NFATC3: variants seen among roughly 807,000 people sequenced by gnomAD.
NFATC3 encodes the protein nuclear factor of activated T cells 3, also known as nuclear factor of activated T-cells, cytoplasmic 3.
A neutral mutation model predicts 98.6 loss-of-function variants in NFATC3; 46 were observed. The ratio of observed to expected loss-of-function variants is 0.47; its 90% CI spans 0.37 to 0.60. The LOEUF is 0.60. Ranked by LOEUF, NFATC3 falls within the 20% of genes least tolerant of loss-of-function variation. The pLI is 0.00. For synonymous variants in NFATC3, 512 were observed against 472.2 expected (o/e 1.08, Z -1.09); for missense variants, 1,256 against 1,295.5 (o/e 0.97, Z 0.47).
intron 4 of NFATC3, among the ~76,000 whole-genome samples, chr16:68,163,100 A>G (rs1303129688): frequency 6.6e-6 from 1 of 152,238 alleles, no homozygotes; most frequent in African/African-American, 2.4e-5. Context: ...AATTTTTCTT[A>G]GTACAGAACA....
chr16:68,108,588 A>G (rs906213535), intron 1 of NFATC3, among the ~76,000 whole-genome samples: 1 of 152,142 alleles, frequency 6.6e-6, no homozygotes, highest in Non-Finnish European at 1.5e-5. Flanking sequence ...ATGAATTTTA[A>G]AATAGTTTTT....
At chr16:68,099,848 G>C (rs2035246946) in intron 1 of NFATC3, among the ~76,000 whole-genome samples, 1 of 152,034 alleles carries the variant, frequency 6.6e-6, no homozygotes, top group Non-Finnish European at 1.5e-5. Flanking sequence ...TCACTAGGTT[G>C]CCAAGGCTGG....
intron 3 of NFATC3, among the ~76,000 whole-genome samples, chr16:68,136,689 G>T (rs968642640): frequency 1.3e-5 from 2 of 152,134 alleles, no homozygotes; most frequent in South Asian, 2.1e-4. Flanking sequence ...TTTCCTTGTT[G>T]TATGAACACC....
At chr16:68,207,893 A>G (rs1321676048) in intron 9 of NFATC3, among the ~76,000 whole-genome samples, 2 of 151,700 alleles carry the variant, frequency 1.3e-5, no homozygotes, top group Non-Finnish European at 2.9e-5. Context: ...CCATTTTTAA[A>G]ATAATAGCCA....
At chr16:68,150,207 C>T (rs1010393347) in intron 3 of NFATC3, among the ~76,000 whole-genome samples, 5 of 151,994 alleles carry the variant, frequency 3.3e-5, no homozygotes, top group African/African-American at 1.2e-4. Context: ...CTCTATCAGA[C>T]CCAGCCCCAC....
chr16:68,099,427 C>T (rs1311768922), intron 1 of NFATC3, among the ~76,000 whole-genome samples: 1 of 150,648 alleles, frequency 6.6e-6, no homozygotes, highest in Non-Finnish European at 1.5e-5. Flanking sequence ...AGAGCGAGAC[C>T]CCACCTCAAA....
chr16:68,085,806 A>G, intron 1 of NFATC3, 22 bp downstream of exon 1: 1 of 1,415,112 alleles, frequency 7.1e-7, no homozygotes, highest in East Asian at 2.9e-5. Context: ...GCCAGGCGGG[A>G]CCGTGGAGCG....
At chr16:68,211,519 G>T (rs1216149791) in intron 9 of NFATC3, among the ~76,000 whole-genome samples, 1 of 148,292 alleles carries the variant, frequency 6.7e-6, no homozygotes, top group African/African-American at 2.5e-5. Flanking sequence ...TTTTGTTGTT[G>T]TTGTTGTTGT....
Position 68,183,381 on chromosome 16 carries a change from G to C in NFATC3, c.2098+15G>C, listed in dbSNP as rs778636390. 10 of 1,609,740 alleles carry C rather than the reference G, an allele frequency of 6.2e-6. No individual in the cohort carries two copies. The highest frequency in any genetic ancestry group is 8.5e-6 in the Non-Finnish European group (10 of 1,179,776). On this transcript the variant is annotated intron_variant, in intron 8 of 9. Transcript: ENST00000346183. ...TTATACACCAGGTACGAGGAGTCAT[G>C]ATGGTTTACTATAGAGCTTTCTTTC...
intron 1 of NFATC3, among the ~76,000 whole-genome samples, chr16:68,110,018 G>C (rs2035859195): frequency 6.6e-6 from 1 of 151,840 alleles, no homozygotes; most frequent in Admixed American, 6.6e-5. Context: ...TTGTTTGTTT[G>C]TTTTGAGATG....
At chr16:68,210,278 A>G (rs1440576302) in intron 9 of NFATC3, among the ~76,000 whole-genome samples, 1 of 150,384 alleles carries the variant, frequency 6.6e-6, no homozygotes, top group Non-Finnish European at 1.5e-5. Context: ...AGCCTGGGCG[A>G]CAGAGTGAGA....
At chr16:68,092,108 A>C (rs2034743845) in intron 1 of NFATC3, among the ~76,000 whole-genome samples, 1 of 152,214 alleles carries the variant, frequency 6.6e-6, no homozygotes, top group African/African-American at 2.4e-5. Context: ...TTGCTAGTTT[A>C]CCAACAGCTG....
At chr16:68,086,091 G>A (rs1431577020) in intron 1 of NFATC3, among the ~76,000 whole-genome samples, 1 of 152,228 alleles carries the variant, frequency 6.6e-6, no homozygotes, top group Non-Finnish European at 1.5e-5. Flanking sequence ...TCGTTGCTTT[G>A]CCAGTGTGTT....
chr16:68,174,431 CTGTAAA>C lies in NFATC3; in HGVS notation c.1835_1840del (p.Val612_Asn613del). On this transcript the variant is annotated inframe_deletion, in exon 6 of 10. Coordinates refer to ENST00000346183, the MANE Select transcript of NFATC3 (RefSeq NM_173165.3). ...GAGAAGTACAGTATCAACAGTTGTT[CTGTAAA>C]TGGAGGTCATGAAATGGTTGTGACT... 2 of 1,605,880 alleles carry C rather than the reference CTGTAAA, an allele frequency of 1.2e-6. No homozygotes were observed. The highest frequency in any genetic ancestry group is 1.7e-6 in the Non-Finnish European group (2 of 1,176,056).
chr16:68,152,912 A>G (rs906243567), intron 3 of NFATC3, among the ~76,000 whole-genome samples: 1 of 152,202 alleles, frequency 6.6e-6, no homozygotes, highest in African/African-American at 2.4e-5. Context: ...ACTTCACACT[A>G]CCGCTCAGGG....
intron 3 of NFATC3, among the ~76,000 whole-genome samples, 186 bp downstream of exon 3, chr16:68,126,796 G>C (rs993890159): frequency 2.0e-5 from 3 of 152,180 alleles, no homozygotes; most frequent in African/African-American, 7.2e-5. Context: ...GCTAAAAGAT[G>C]TTCTTTCTGG....
rs549550816 is a variant in NFATC3 at position 68,107,922 on chromosome 16, T to A, written c.104-14065T>A. Among the ~76,000 whole-genome samples, 9 of 151,580 alleles carry A rather than the reference T, an allele frequency of 5.9e-5. No individual in the cohort carries two copies. In the East Asian group the frequency reaches 7.7e-4, roughly 13 times the overall value. On this transcript the variant is annotated intron_variant, in intron 1 of 9. Coordinates refer to ENST00000346183, the MANE Select transcript of NFATC3 (RefSeq NM_173165.3). Reference sequence around the variant, plus strand: ...TACTTTTTAATGGGGTGGTTTATTTTTTTTTTTTTTGTAAATTTATTTAAG... The same window carrying A: ...TACTTTTTAATGGGGTGGTTTATTTATTTTTTTTTTGTAAATTTATTTAAG...
chr16:68,091,582 C>G (rs1037595020), intron 1 of NFATC3, among the ~76,000 whole-genome samples: 33 of 152,030 alleles, frequency 2.2e-4, no homozygotes, highest in African/African-American at 6.8e-4. Flanking sequence ...CTCATTATTG[C>G]TAGTTGAGTA....
At chr16:68,223,291 T>C (rs1209598076) in intron 9 of NFATC3, among the ~76,000 whole-genome samples, 4 of 152,142 alleles carry the variant, frequency 2.6e-5, no homozygotes, top group Non-Finnish European at 5.9e-5. Context: ...ATCCCAGCAC[T>C]GTGGGAGGAT....
Sources: allele counts gnomAD v4.1 joint callset (sites outside exome capture counted in the v4.1 genomes callset), GRCh38; gene constraint gnomAD v4.1.1; transcripts MANE v1.5; gene names NCBI Gene and HGNC (gene_info 2026-07-23, HGNC 2026-07-21).